ZNF487: variants seen among roughly 807,000 people sequenced by gnomAD.
ZNF487 encodes zinc finger protein 487, also known as KRAB domain only 1.
In ZNF487, 4 loss-of-function variants were observed where a neutral mutation model predicts 3.0. That is an observed-to-expected ratio of 1.35 (90% CI 0.66 to 3.08). The LOEUF is 3.08. ZNF487 is among the 30% of genes most tolerant of loss of function. ZNF487 has a pLI of 0.01. For missense variants in ZNF487, 146 were observed against 98.7 expected, an observed-to-expected ratio of 1.48 and a Z score of -2.03; for synonymous variants, 55 against 34.6, an observed-to-expected ratio of 1.59 and a Z score of -2.06.
At chr10:43,454,740 A>G (rs1221155927) in intron 1 of ZNF487, 1 of 152,144 alleles carries the variant, frequency 6.6e-6, no homozygotes, top group Non-Finnish European at 1.5e-5. Flanking sequence ...GAATTAAAAC[A>G]AAATCTATCT....
chr10:43,468,924 G>A (rs527349535), intron 1 of ZNF487, among the ~76,000 whole-genome samples: 198 of 143,348 alleles, frequency 1.4e-3, no homozygotes, highest in African/African-American at 4.5e-3. Context: ...AGGAGGCAGC[G>A]CTTGCAGTGA....
intron 1 of ZNF487, among the ~76,000 whole-genome samples, chr10:43,457,558 GAAA>G (rs1023956426): frequency 7.3e-6 from 1 of 136,962 alleles, no homozygotes; most frequent in Non-Finnish European, 1.5e-5. Flanking sequence ...CTGTCTTGGG[GAAA>G]AAAAAAAAAA....
intron 3 of ZNF487, among the ~76,000 whole-genome samples, chr10:43,479,652 A>C (rs1038644054): frequency 6.6e-6 from 1 of 151,776 alleles, no homozygotes; most frequent in African/African-American, 2.4e-5. Context: ...TATTTTATTT[A>C]TTCATTTCAT....
At chr10:43,479,980 TTTCC>T (rs768189752) in intron 3 of ZNF487, among the ~76,000 whole-genome samples, 10,189 of 47,900 alleles carry the variant, frequency 0.21, 725 homozygotes, top group Middle Eastern at 0.26. Flanking sequence ...CTTTTCTTTC[TTTCC>T]TTCTTTCTTT....
chr10:43,491,237 G>T, the ZNF487 span, among the ~76,000 whole-genome samples: 1 of 151,756 alleles, frequency 6.6e-6, no homozygotes, highest in Non-Finnish European at 1.5e-5. Context: ...GCCTCCCAAA[G>T]TACTGGGATT....
chr10:43,465,608 C>T lies in ZNF487; in HGVS notation c.-93-10113C>T. On this transcript the variant is annotated intron_variant, in intron 1 of 3. Coordinates refer to ENST00000437590, the MANE Select transcript of ZNF487 (RefSeq NM_001355444.3). ...GATGATGGGCGGCCGGGCAGAGACG[C>T]TCCTCACTTCCTAGATGGGATGGCA... 1.3e-5 allele frequency among the ~76,000 whole-genome samples: 2 copies of T among 151,908 alleles called. 1 individual carries two copies. Among genetic ancestry groups the T allele is most frequent in the Non-Finnish European group, 2.9e-5 (2 of 67,954 alleles).
At chr10:43,493,707 AAAATATATAT>A in the ZNF487 span, among the ~76,000 whole-genome samples, 642 of 53,724 alleles carry the variant, frequency 0.012, 6 homozygotes, top group Middle Eastern at 0.019. Flanking sequence ...AAAAAAAAAA[AAAATATATAT>A]ATATATATAT....
intron 1 of ZNF487, among the ~76,000 whole-genome samples, chr10:43,465,180 C>T (rs1250633809): frequency 1.4e-5 from 2 of 141,146 alleles, no homozygotes; most frequent in African/African-American, 2.7e-5. Flanking sequence ...GGCGGCTGGC[C>T]GGGCGGGGGG....
intron 1 of ZNF487, among the ~76,000 whole-genome samples, chr10:43,458,442 A>G (rs1011259597): frequency 2.0e-5 from 3 of 152,186 alleles, no homozygotes; most frequent in African/African-American, 7.2e-5. Flanking sequence ...AAAGGAGGCA[A>G]TCAGCTTTGC....
chr10:43,510,066 G>A, the ZNF487 span, among the ~76,000 whole-genome samples: 1 of 152,264 alleles, frequency 6.6e-6, no homozygotes, highest in South Asian at 2.1e-4. Flanking sequence ...ATGCTGATGT[G>A]AAGTCAATAA....
chr10:43,443,518 C>T (rs1340375270), intron 1 of ZNF487, among the ~76,000 whole-genome samples: 1 of 150,506 alleles, frequency 6.6e-6, no homozygotes, highest in Non-Finnish European at 1.5e-5. Context: ...GGATTACAGG[C>T]ACATGCCACC....
chr10:43,478,110 A>C (rs1397343550), intron 3 of ZNF487, among the ~76,000 whole-genome samples: 1 of 152,108 alleles, frequency 6.6e-6, no homozygotes, highest in Non-Finnish European at 1.5e-5. Context: ...ATATTGTCAA[A>C]TTGGATTTTC....
chr10:43,440,866 C>CT lies in ZNF487; in HGVS notation c.-94+3613dup, dbSNP rs997027183. Among the ~76,000 whole-genome samples the CT allele has an allele frequency of 3.3e-5, 5 of 149,958 alleles. No individual in the cohort carries two copies. The East Asian group carries it at 5.9e-4, about 18-fold the overall frequency. On this transcript the variant is annotated intron_variant, in intron 1 of 3. Coordinates refer to ENST00000437590, the MANE Select transcript of ZNF487 (RefSeq NM_001355444.3). ...TTGAGTAGTTTTGCATAACCTTGGACTTTTTTTTTGTTGTTTGTTTTTGAG... is the reference window on the plus strand; with the variant it reads ...TTGAGTAGTTTTGCATAACCTTGGACTTTTTTTTTTGTTGTTTGTTTTTGAG...
chr10:43,453,847 G>GT (rs1235309856), intron 1 of ZNF487: 1 of 152,148 alleles, frequency 6.6e-6, no homozygotes, highest in Admixed American at 6.6e-5. Context: ...TTAAATCATG[G>GT]TGACTGAAAT....
intron 1 of ZNF487, among the ~76,000 whole-genome samples, chr10:43,465,943 C>G (rs952860428): frequency 1.3e-5 from 2 of 152,180 alleles, no homozygotes; most frequent in Non-Finnish European, 2.9e-5. Context: ...CCCGGCACCT[C>G]GGGAGGCCGA....
chr10:43,461,464 C>T (rs1418192345), intron 1 of ZNF487, among the ~76,000 whole-genome samples: 2 of 151,970 alleles, frequency 1.3e-5, no homozygotes, highest in Non-Finnish European at 2.9e-5. Flanking sequence ...GGACTACAGG[C>T]ATGTACCATA....
chr10:43,518,604 C>T, the ZNF487 span, among the ~76,000 whole-genome samples: 1 of 152,096 alleles, frequency 6.6e-6, no homozygotes, highest in African/African-American at 2.4e-5. Flanking sequence ...AAGTGCTTAT[C>T]CACCTCTTGT....
chr10:43,523,398 A>G, the ZNF487 span: 1 of 152,230 alleles, frequency 6.6e-6, no homozygotes, highest in Admixed American at 6.5e-5. Flanking sequence ...CCAATGAGAA[A>G]AATACCTGAT....
chr10:43,484,405 G>A (rs1012141962), downstream of ZNF487, among the ~76,000 whole-genome samples: 36 of 151,682 alleles, frequency 2.4e-4, no homozygotes, highest in South Asian at 1.3e-3. Flanking sequence ...TCAGGAGTTC[G>A]AGACCAGCCT....
Sources: gnomAD v4.1 joint callset for allele counts (sites outside exome capture counted in the v4.1 genomes callset) on GRCh38, gnomAD v4.1.1 for gene constraint, MANE v1.5 for transcripts, NCBI Gene and HGNC (gene_info 2026-07-23, HGNC 2026-07-21) for gene names.